AXL: variants seen among roughly 807,000 people sequenced by gnomAD.
The protein encoded by AXL is tyrosine-protein kinase receptor UFO.
AXL carries 52 observed loss-of-function variants against 104.5 expected under a neutral mutation model. The ratio of observed to expected loss-of-function variants is 0.50; its 90% CI spans 0.40 to 0.63. The LOEUF (loss-of-function observed/expected upper bound fraction) is 0.63. Ranked by LOEUF, AXL falls within the 20% of genes least tolerant of loss-of-function variation. The pLI, the probability that AXL is intolerant of heterozygous loss-of-function variation, is 0.00. For synonymous variants in AXL, 455 were observed against 473.7 expected (o/e 0.96, Z 0.51); for missense variants, 1,024 against 1,188.5 (o/e 0.86, Z 2.04).
At chr19:41,230,746 C>T (rs970356550) in intron 4 of AXL, among the ~76,000 whole-genome samples, 3 of 151,910 alleles carry the variant, frequency 2.0e-5, no homozygotes, top group Admixed American at 6.6e-5. Flanking sequence ...GTCTGTGTGG[C>T]GGGAGGTTAG....
intron 12 of AXL, among the ~76,000 whole-genome samples, chr19:41,244,934 A>ATT (rs34355478): frequency 2.1e-5 from 3 of 141,348 alleles, no homozygotes; most frequent in Admixed American, 7.1e-5. Flanking sequence ...AGTCTATACT[A>ATT]TTTTTTTTTT....
rs771548546 is a variant in AXL, at chr19:41,221,266, G to A, written c.409+20G>A. 4 of 1,604,896 alleles carry A rather than the reference G, an allele frequency of 2.5e-6. No homozygotes were observed. The highest frequency in any genetic ancestry group is 2.2e-5 in the East Asian group (1 of 44,838). ...TGGAGGGTGAGCTCTGGGGTCAGGGGTCCTGAGGGGTCAGAGGACATGTGG... is the reference window on the plus strand; with the variant it reads ...TGGAGGGTGAGCTCTGGGGTCAGGGATCCTGAGGGGTCAGAGGACATGTGG... On this transcript the variant is annotated intron_variant, in intron 3 of 19. Coordinates refer to ENST00000301178, the MANE Select transcript of AXL (RefSeq NM_021913.5).
intron 1 of AXL, chr19:41,220,286 C>T (rs1260433946): frequency 4.4e-5 from 10 of 228,722 alleles, no homozygotes; most frequent in Non-Finnish European, 7.8e-5. Context: ...ACCCCTGATT[C>T]TTCCCCTCCA....
At chr19:41,220,567 A>T in intron 1 of AXL, 69 bp from the exon 2 acceptor site, 5 of 1,390,278 alleles carry the variant, frequency 3.6e-6, no homozygotes, top group Non-Finnish European at 4.9e-6. Context: ...GCAGGCAAGG[A>T]CAGGGTGGAA....
At chr19:41,233,506 C>G (rs574224187) in intron 6 of AXL, among the ~76,000 whole-genome samples, 1 of 151,702 alleles carries the variant, frequency 6.6e-6, no homozygotes. Context: ...TGGCACACAC[C>G]TGTAGTCCCA....
intron 4 of AXL, among the ~76,000 whole-genome samples, chr19:41,227,377 A>G (rs1599727387): frequency 6.6e-6 from 1 of 151,844 alleles, no homozygotes; most frequent in Non-Finnish European, 1.5e-5. Flanking sequence ...TATATATATG[A>G]TTATCTTTTT....
At chr19:41,222,505 C>T (rs530548225) in intron 4 of AXL, among the ~76,000 whole-genome samples, 3 of 152,198 alleles carry the variant, frequency 2.0e-5, no homozygotes, top group Non-Finnish European at 2.9e-5. Flanking sequence ...CCTCCACAAC[C>T]GGCCCACCTC....
chr19:41,222,017 G>T lies in AXL; in HGVS notation c.547G>T (p.Ala183Ser), dbSNP rs1027269029. 4 of 1,601,584 alleles carry T rather than the reference G, an allele frequency of 2.5e-6. No homozygotes were observed. The African/African-American group carries it at 5.4e-5, about 21-fold the overall frequency. Residue 183 changes from alanine (A) to serine (S), a missense_variant, in exon 4 of 20, where the codon GCT becomes TCT. Coordinates refer to ENST00000301178, the MANE Select transcript of AXL (RefSeq NM_021913.5). ...WLQDAVPLATAPGHGPQRSLH... is the reference protein window; with the variant it reads ...WLQDAVPLATSPGHGPQRSLH... ...CCAGGATGCTGTCCCCCTGGCCACG[G>T]CTCCAGGTCACGGCCCCCAGCGCAG...
intron 17 of AXL, among the ~76,000 whole-genome samples, chr19:41,254,709 A>C (rs1257764911): frequency 2.0e-5 from 3 of 151,562 alleles, no homozygotes; most frequent in East Asian, 1.9e-4. Flanking sequence ...ACTTGTACCC[A>C]GGAGTTCAAG....
Position 41,248,783 on chromosome 19 carries a change from C to T in AXL, c.1674C>T (p.Asp558=), listed in dbSNP as rs771425371. ...TGATGGAAGGCCAGCTCAACCAGGA[C>T]GACTCCATCCTCAAGGTGGCTGTGA... is the stretch of plus-strand genomic sequence containing the variant. ...GAVMEGQLNQ[D]DSILKVAVKT... The change falls in exon 14 of 20, where the codon GAC becomes GAT. Residue 558 remains aspartate, a synonymous_variant. Coordinates refer to ENST00000301178, the MANE Select transcript of AXL (RefSeq NM_021913.5). 2.5e-5 allele frequency: 40 copies of T among 1,613,576 alleles called. No individual in the cohort carries two copies. The highest frequency in any genetic ancestry group is 1.0e-4 in the Admixed American group (6 of 59,914).
chr19:41,230,836 C>A, intron 4 of AXL, 131 bp from the exon 5 acceptor site: 1 of 903,012 alleles, frequency 1.1e-6, no homozygotes, highest in Non-Finnish European at 1.8e-6. Context: ...CTAACCCTCC[C>A]TTCAGGCAAG....
chr19:41,240,856 A>G (rs1184273393), intron 10 of AXL, among the ~76,000 whole-genome samples: 1 of 152,080 alleles, frequency 6.6e-6, no homozygotes, highest in Non-Finnish European at 1.5e-5. Flanking sequence ...TTCTCCTTGC[A>G]TGCTTACTGC....
intron 1 of AXL, 88 bp downstream of exon 1, chr19:41,219,565 G>C: frequency 2.1e-6 from 3 of 1,443,552 alleles, no homozygotes; most frequent in Non-Finnish European, 2.8e-6. Flanking sequence ...AGGTGTGGGG[G>C]GCCTGGGCTG....
At chr19:41,244,051 A>G (rs886880924) in intron 12 of AXL, among the ~76,000 whole-genome samples, 2 of 151,944 alleles carry the variant, frequency 1.3e-5, no homozygotes, top group Admixed American at 1.3e-4. Context: ...ACAAAAAAAA[A>G]AAATTAGCCA....
At chr19:41,235,479 A>C (rs1055171135) in intron 6 of AXL, among the ~76,000 whole-genome samples, 6 of 152,196 alleles carry the variant, frequency 3.9e-5, no homozygotes, top group Non-Finnish European at 8.8e-5. Context: ...AACCCTGTGA[A>C]GTGGGGAGCC....
chr19:41,221,051 T>C, intron 2 of AXL, 95 bp from the exon 3 acceptor site: 1 of 1,291,128 alleles, frequency 7.7e-7, no homozygotes, highest in African/African-American at 1.5e-5. Flanking sequence ...TGTCATGAGC[T>C]TCCAGACTGG....
rs1342136798 is a variant in AXL, at chr19:41,225,829, T to C, written c.586+3773T>C. Among the ~76,000 whole-genome samples, 4 of 152,248 alleles carry C rather than the reference T, an allele frequency of 2.6e-5. No individual in the cohort carries two copies. In the South Asian group the frequency reaches 8.3e-4, roughly 32 times the overall value. ...CCCCTGTGTGTTTAAGTGTGATTCA[T>C]TGTGAGTGTGTGTGTGGGGGGGTTT... On this transcript the variant is annotated intron_variant, in intron 4 of 19. Transcript: ENST00000301178.
rs1446852586 is a variant in AXL at position 41,219,288 on chromosome 19, T to C, written c.-105T>C. The C allele has an allele frequency of 1.4e-5, 16 of 1,148,382 alleles. No homozygotes were observed. The highest frequency in any genetic ancestry group is 3.0e-4 in the Middle Eastern group (1 of 3,370). The allele number at this position is 1,148,382 out of a possible 1,614,324, so 71.1% of individuals were successfully genotyped here. ...CCCTGCCGCTGTGCCAGGCAGGCAG[T>C]GCCAAATCCGGGGAGCCTGGAGCTG... On this transcript the variant is annotated 5_prime_UTR_variant, in exon 1 of 20. Coordinates refer to ENST00000301178, the MANE Select transcript of AXL (RefSeq NM_021913.5).
In AXL at chr19:41,234,446, C is replaced by T. The variant is rs1430020162; in HGVS notation, c.783+3148C>T. ...GACCTGCCTGGCCAACATGGTGAAA[C>T]GCCATCTCTCCAAATAATTAAAAAA... On this transcript the variant is annotated intron_variant, in intron 6 of 19. Coordinates refer to ENST00000301178, the MANE Select transcript of AXL (RefSeq NM_021913.5). Among the ~76,000 whole-genome samples the T allele has an allele frequency of 3.3e-5, 5 of 151,868 alleles. No homozygotes were observed. The East Asian group carries it at 7.7e-4, about 23-fold the overall frequency.
Sources: gnomAD v4.1 joint callset for allele counts (sites outside exome capture counted in the v4.1 genomes callset) on GRCh38, gnomAD v4.1.1 for gene constraint, MANE v1.5 for transcripts, NCBI Gene and HGNC (gene_info 2026-07-23, HGNC 2026-07-21) for gene names.